Variants in TRIO observed in about 807,000 individuals in gnomAD.
The protein encoded by TRIO is triple functional domain protein.
In TRIO, 58 loss-of-function variants were observed where a neutral mutation model predicts 351.9. That is an observed-to-expected ratio of 0.16 (90% CI 0.13 to 0.21). The LOEUF (loss-of-function observed/expected upper bound fraction) is 0.21, where lower values mean the gene tolerates loss of function less well. TRIO is among the 10% of genes least tolerant of loss of function. TRIO has a pLI of 1.00. For synonymous variants in TRIO, 1,758 were observed against 1,595.7 expected (o/e 1.10, Z -2.42); for missense variants, 3,201 against 4,027.8 (o/e 0.79, Z 5.56).
chr5:14,249,460 A>AG (rs1794619156), intron 1 of TRIO, among the ~76,000 whole-genome samples: 1 of 152,078 alleles, frequency 6.6e-6, no homozygotes, highest in Non-Finnish European at 1.5e-5. Context: ...TGGACTTTCG[A>AG]GGGGGGAATT....
intron 37 of TRIO, 31 bp from the exon 38 acceptor site, chr5:14,471,283 CAGTA>C: frequency 1.2e-6 from 2 of 1,606,804 alleles, no homozygotes; most frequent in South Asian, 2.2e-5. Context: ...GGGCTGTGGG[CAGTA>C]AGTGTTGTTG....
chr5:14,502,695 G>T, intron 54 of TRIO, 38 bp downstream of exon 54: 1 of 1,597,260 alleles, frequency 6.3e-7, no homozygotes, highest in Non-Finnish European at 8.6e-7. Context: ...CGAAAGAGCA[G>T]AGCGTGGGGA....
chr5:14,424,016 C>T (rs935438271), intron 34 of TRIO, among the ~76,000 whole-genome samples: 2 of 150,744 alleles, frequency 1.3e-5, no homozygotes, highest in African/African-American at 2.5e-5. Context: ...GCACTCCAGC[C>T]TGGACAACAG....
chr5:14,422,853 G>A (rs991247529), intron 34 of TRIO, among the ~76,000 whole-genome samples: 5 of 152,174 alleles, frequency 3.3e-5, no homozygotes, highest in Non-Finnish European at 7.3e-5. Flanking sequence ...GGCCAGGTGC[G>A]GTGGCACACA....
intron 11 of TRIO, among the ~76,000 whole-genome samples, chr5:14,343,089 CAAAAA>C (rs34378604): frequency 3.7e-5 from 5 of 135,554 alleles, no homozygotes; most frequent in Admixed American, 2.9e-4. Context: ...CAGAAAGTTG[CAAAAA>C]AAAAAAAAAA....
chr5:14,404,239 G>C (rs1189691919), intron 31 of TRIO, among the ~76,000 whole-genome samples: 1 of 151,992 alleles, frequency 6.6e-6, no homozygotes, highest in Non-Finnish European at 1.5e-5. Context: ...CACTTCTCTA[G>C]TCTGGAAAAG....
chr5:14,386,746 A>T (rs960554547), intron 21 of TRIO, among the ~76,000 whole-genome samples: 1 of 152,196 alleles, frequency 6.6e-6, no homozygotes, highest in Admixed American at 6.5e-5. Context: ...ATAATAAACT[A>T]TGCTTAACTT....
chr5:14,215,450 G>T (rs1792158481), intron 1 of TRIO, among the ~76,000 whole-genome samples: 1 of 152,186 alleles, frequency 6.6e-6, no homozygotes, highest in South Asian at 2.1e-4. Flanking sequence ...ATATGCTAGT[G>T]ATAAAAACTT....
At chr5:14,396,725 C>A (rs1217506136) in intron 28 of TRIO, among the ~76,000 whole-genome samples, 1 of 151,846 alleles carries the variant, frequency 6.6e-6, no homozygotes, top group Non-Finnish European at 1.5e-5. Context: ...CCACCTCAGC[C>A]TCCCGAAGTG....
intron 35 of TRIO, 119 bp downstream of exon 35, chr5:14,461,430 A>G: frequency 3.0e-6 from 4 of 1,327,148 alleles, no homozygotes; most frequent in Non-Finnish European, 4.0e-6. Context: ...ACTTACTCAG[A>G]AATTACCATT....
At chr5:14,457,965 T>A (rs1260644809) in intron 34 of TRIO, among the ~76,000 whole-genome samples, 1 of 152,086 alleles carries the variant, frequency 6.6e-6, no homozygotes, top group Non-Finnish European at 1.5e-5. Context: ...CTACTAGTTG[T>A]GATGTGTAAG....
intron 48 of TRIO, 107 bp downstream of exon 48, chr5:14,488,367 G>A (rs1579807924): frequency 1.4e-6 from 2 of 1,443,692 alleles, no homozygotes; most frequent in South Asian, 1.4e-5. Flanking sequence ...AGCGCTCTCC[G>A]CCGCCCGTTG....
Position 14,210,028 on chromosome 5 carries a change from C to T in TRIO, c.158-60797C>T, listed in dbSNP as rs186800633. Among the ~76,000 whole-genome samples the T allele has an allele frequency of 9.2e-5, 14 of 152,220 alleles. No individual in the cohort carries two copies. The East Asian group carries it at 1.4e-3, about 15-fold the overall frequency. ...CGTGGACCAAGTGGGGTCCTGGTGC[C>T]GTGGGAGCCCTGATTGCTGGAGGAG... On this transcript the variant is annotated intron_variant, in intron 1 of 56. Transcript: ENST00000344204.
chr5:14,334,386 G>A (rs1342751777), intron 10 of TRIO, among the ~76,000 whole-genome samples: 1 of 152,132 alleles, frequency 6.6e-6, no homozygotes, highest in Non-Finnish European at 1.5e-5. Context: ...AGATTAAAAG[G>A]GAAATAAATG....
At chr5:14,394,196 A>G in intron 28 of TRIO, 66 bp downstream of exon 28, 1 of 1,023,558 alleles carries the variant, frequency 9.8e-7, no homozygotes, top group African/African-American at 1.6e-5. Context: ...CATTTACTAT[A>G]TATTTATATA....
At chr5:14,211,621 T>A (rs1322062347) in intron 1 of TRIO, among the ~76,000 whole-genome samples, 1 of 106,604 alleles carries the variant, frequency 9.4e-6, no homozygotes, top group Non-Finnish European at 1.9e-5. Context: ...AAATTTAAGA[T>A]CTGTTCTTTA....
At chr5:14,191,001 C>T (rs927852646) in intron 1 of TRIO, among the ~76,000 whole-genome samples, 1 of 152,156 alleles carries the variant, frequency 6.6e-6, no homozygotes. Context: ...TAATAACTAG[C>T]GCAGCGTGTT....
At position 14,479,244 on chromosome 5, in the gene TRIO, G is replaced by T; in HGVS notation, c.6154-17G>T. 1 of 1,606,214 alleles carries T rather than the reference G, an allele frequency of 6.2e-7. No individual in the cohort carries two copies. Among genetic ancestry groups the T allele is most frequent in the Non-Finnish European group, 8.5e-7 (1 of 1,173,226 alleles). ...TCCCATTGTTATAACCCAACTGTTT[G>T]CCTTTTTTATTCCTAGGAGAGAAGG... On this transcript the variant is annotated splice_polypyrimidine_tract_variant and intron_variant, in intron 41 of 56. Coordinates refer to ENST00000344204, the MANE Select transcript of TRIO (RefSeq NM_007118.4).
intron 27 of TRIO, among the ~76,000 whole-genome samples, chr5:14,392,409 A>G (rs1374727531): frequency 6.6e-6 from 1 of 152,264 alleles, no homozygotes; most frequent in Non-Finnish European, 1.5e-5. Flanking sequence ...AATGGCGATC[A>G]TTAAAAAGTC....
Sources: allele counts gnomAD v4.1 joint callset (sites outside exome capture counted in the v4.1 genomes callset), GRCh38; gene constraint gnomAD v4.1.1; transcripts MANE v1.5; gene names NCBI Gene and HGNC (gene_info 2026-07-23, HGNC 2026-07-21).